The following SBF2 variants were observed in gnomAD, a reference collection of about 807,000 sequenced individuals.
SBF2 encodes the protein myotubularin-related protein 13.
In SBF2, 112 loss-of-function variants were observed where a neutral mutation model predicts 225.2. The observed-to-expected ratio is 0.50, with a 90% CI of 0.43 to 0.58. SBF2 has a LOEUF of 0.58. Ranked by LOEUF, SBF2 falls within the 20% of genes least tolerant of loss-of-function variation. The probability of loss-of-function intolerance (pLI) is 0.00; values close to 1 mark genes in which losing one functional copy is unlikely to be tolerated. For synonymous variants in SBF2, 763 were observed against 773.3 expected, an observed-to-expected ratio of 0.99 and a Z score of 0.22; for missense variants, 1,996 against 2,206.2, an observed-to-expected ratio of 0.90 and a Z score of 1.91.
intron 2 of SBF2, among the ~76,000 whole-genome samples, chr11:10,159,885 G>T (rs375470697): frequency 5.8e-4 from 87 of 150,520 alleles, no homozygotes; most frequent in African/African-American, 2.1e-3. Context: ...GCAAGACTCC[G>T]TCTCAAAAAA....
At chr11:10,280,492 A>G (rs980857086) in intron 1 of SBF2, among the ~76,000 whole-genome samples, 4 of 152,322 alleles carry the variant, frequency 2.6e-5, no homozygotes, top group South Asian at 4.1e-4. Context: ...TTAATTCAAC[A>G]AACATGTTAC....
At chr11:10,269,880 G>C (rs1265103292) in intron 1 of SBF2, among the ~76,000 whole-genome samples, 2 of 152,084 alleles carry the variant, frequency 1.3e-5, no homozygotes, top group African/African-American at 2.4e-5. Flanking sequence ...TCCCACCTCA[G>C]CCTCCCAACT....
chr11:9,803,034 T>A (rs961204499), intron 32 of SBF2, among the ~76,000 whole-genome samples: 5 of 152,206 alleles, frequency 3.3e-5, no homozygotes, highest in African/African-American at 1.2e-4. Flanking sequence ...TTTAAAAAAT[T>A]TTAATTTGGC....
rs375669985 is a variant in SBF2, at chr11:9,816,930, C to A, written c.3888G>T (p.Ser1296=). 1 of 1,613,958 alleles carries A rather than the reference C, an allele frequency of 6.2e-7. No individual in the cohort carries two copies. Among genetic ancestry groups the A allele is most frequent in the Non-Finnish European group, 8.5e-7 (1 of 1,180,030 alleles). The part of the protein sequence containing the change: ...VGARLAGKDH[S]ASFSNSSYLQ... Reference sequence around the variant, plus strand: ...GGTAGCTGCTGTTACTGAAGGAGGCCGAGTGATCCTTGCCTGCCAGCCGGG... The same window carrying A: ...GGTAGCTGCTGTTACTGAAGGAGGCAGAGTGATCCTTGCCTGCCAGCCGGG... The change falls in exon 29 of 40, where the codon TCG becomes TCT. Residue 1296 remains serine (S), a synonymous_variant. Coordinates refer to ENST00000256190, the MANE Select transcript of SBF2 (RefSeq NM_030962.4).
At chr11:10,237,877 C>G (rs1959139155) in intron 1 of SBF2, among the ~76,000 whole-genome samples, 1 of 152,086 alleles carries the variant, frequency 6.6e-6, no homozygotes, top group African/African-American at 2.4e-5. Context: ...ATGGTATGTA[C>G]TTTGGGAGGG....
intron 1 of SBF2, among the ~76,000 whole-genome samples, chr11:10,281,109 CAT>C (rs1413181966): frequency 6.6e-6 from 1 of 152,100 alleles, no homozygotes; most frequent in South Asian, 2.1e-4. Flanking sequence ...ATGGTTTAAA[CAT>C]GTAAGATTAT....
intron 2 of SBF2, among the ~76,000 whole-genome samples, chr11:10,077,046 CG>C (rs1449039248): frequency 3.9e-5 from 6 of 152,142 alleles, no homozygotes; most frequent in African/African-American, 1.4e-4. Flanking sequence ...AGCTGGATCT[CG>C]CATGCTAGCG....
chr11:9,990,583 T>C (rs946169659), intron 12 of SBF2, among the ~76,000 whole-genome samples: 7 of 152,174 alleles, frequency 4.6e-5, no homozygotes, highest in Non-Finnish European at 1.0e-4. Context: ...GACTGATACA[T>C]ACATATGATT....
At chr11:10,288,603 T>C (rs1963951241) in intron 1 of SBF2, among the ~76,000 whole-genome samples, 2 of 151,812 alleles carry the variant, frequency 1.3e-5, no homozygotes, top group African/African-American at 4.8e-5. Context: ...TAGACTAGAA[T>C]GGGTGGCTCC....
intron 13 of SBF2, among the ~76,000 whole-genome samples, chr11:9,977,546 T>A (rs1175784246): frequency 6.6e-6 from 1 of 151,728 alleles, no homozygotes; most frequent in Non-Finnish European, 1.5e-5. Context: ...TTACTTGTGT[T>A]CTCATGCAGA....
At chr11:9,968,164 T>A (rs1867089928) in intron 14 of SBF2, among the ~76,000 whole-genome samples, 177 bp downstream of exon 14, 1 of 152,046 alleles carries the variant, frequency 6.6e-6, no homozygotes, top group South Asian at 2.1e-4. Flanking sequence ...GGTTGGGTTA[T>A]GATTACCCTT....
At chr11:10,163,661 C>T (rs1955841765) in intron 2 of SBF2, among the ~76,000 whole-genome samples, 1 of 152,014 alleles carries the variant, frequency 6.6e-6, no homozygotes, top group Non-Finnish European at 1.5e-5. Flanking sequence ...AATCACATTT[C>T]CTATTCAAAT....
intron 2 of SBF2, among the ~76,000 whole-genome samples, chr11:10,171,965 G>A (rs1489353187): frequency 6.6e-6 from 1 of 152,044 alleles, no homozygotes; most frequent in African/African-American, 2.4e-5. Flanking sequence ...ATGGTCCTTT[G>A]AATATCTGCA....
intron 2 of SBF2, among the ~76,000 whole-genome samples, chr11:10,154,813 C>T (rs556669174): frequency 6.6e-6 from 1 of 152,254 alleles, no homozygotes; most frequent in South Asian, 2.1e-4. Flanking sequence ...TAACAAATCA[C>T]CTTAATCCAA....
intron 1 of SBF2, among the ~76,000 whole-genome samples, chr11:10,278,426 T>C (rs1222052248): frequency 6.6e-6 from 1 of 152,228 alleles, no homozygotes; most frequent in Admixed American, 6.5e-5. Flanking sequence ...TCAGCAATAA[T>C]AGGATATTAA....
intron 1 of SBF2, among the ~76,000 whole-genome samples, chr11:10,230,420 A>G (rs1185939531): frequency 6.6e-6 from 1 of 152,088 alleles, no homozygotes; most frequent in Non-Finnish European, 1.5e-5. Context: ...GGTCTTTACA[A>G]TTTGGCATGT....
intron 15 of SBF2, among the ~76,000 whole-genome samples, 166 bp downstream of exon 15, chr11:9,963,607 C>T (rs1245228336): frequency 2.0e-5 from 3 of 152,162 alleles, no homozygotes; most frequent in Non-Finnish European, 4.4e-5. Flanking sequence ...CTTGGCCCAA[C>T]AGCTTTAAAT....
At chr11:10,258,132 A>ATCTC (rs1166466498) in intron 1 of SBF2, among the ~76,000 whole-genome samples, 1 of 144,104 alleles carries the variant, frequency 6.9e-6, no homozygotes, top group Non-Finnish European at 1.5e-5. Context: ...TTGAGACAGG[A>ATCTC]TCTCCCTCTG....
intron 8 of SBF2, among the ~76,000 whole-genome samples, chr11:10,000,428 G>C (rs1281580284): frequency 1.3e-5 from 2 of 152,132 alleles, no homozygotes; most frequent in Middle Eastern, 3.2e-3. Flanking sequence ...CTTGAATATA[G>C]AGTATACTTT....
Sources: gnomAD v4.1 joint callset for allele counts (sites outside exome capture counted in the v4.1 genomes callset) on GRCh38, gnomAD v4.1.1 for gene constraint, MANE v1.5 for transcripts, NCBI Gene and HGNC (gene_info 2026-07-23, HGNC 2026-07-21) for gene names.